The following LRRC7 variants were observed in gnomAD, a reference collection of about 807,000 sequenced individuals.
The protein encoded by LRRC7 is leucine rich repeat containing 7, also known as leucine-rich repeat-containing protein 7.
Under a neutral mutation model 175.7 loss-of-function variants are expected in LRRC7, and 23 were observed. The ratio of observed to expected loss-of-function variants is 0.13; its 90% CI spans 0.09 to 0.19. The LOEUF (loss-of-function observed/expected upper bound fraction) is 0.19. Ranked by LOEUF, LRRC7 falls within the 10% of genes least tolerant of loss-of-function variation. LRRC7 has a pLI of 1.00. For synonymous variants in LRRC7, 685 were observed against 680.9 expected, an observed-to-expected ratio of 1.01 and a Z score of -0.09; for missense variants, 1,354 against 1,904.7, an observed-to-expected ratio of 0.71 and a Z score of 5.38.
intron 7 of LRRC7, among the ~76,000 whole-genome samples, chr1:69,884,174 G>A (rs1570489155): frequency 1.3e-5 from 1 of 77,534 alleles, no homozygotes; most frequent in Non-Finnish European, 2.6e-5. Context: ...AGCTTGATGG[G>A]GATGGCATTG....
intron 1 of LRRC7, among the ~76,000 whole-genome samples, chr1:69,655,283 T>C (rs750979475): frequency 6.6e-6 from 1 of 152,114 alleles, no homozygotes. Flanking sequence ...TGTTTTATTT[T>C]TTCTGTAATT....
At chr1:69,892,767 C>G (rs549008721) in intron 7 of LRRC7, among the ~76,000 whole-genome samples, 1 of 152,150 alleles carries the variant, frequency 6.6e-6, no homozygotes, top group Non-Finnish European at 1.5e-5. Flanking sequence ...AATTGAGTCT[C>G]AGAGAAATTA....
intron 1 of LRRC7, among the ~76,000 whole-genome samples, chr1:69,592,408 A>G (rs1646673945): frequency 6.6e-6 from 1 of 152,214 alleles, no homozygotes; most frequent in Middle Eastern, 3.4e-3. Context: ...GTGAGTGCAT[A>G]TATTTTTTTT....
chr1:69,972,297 TTTG>T (rs1249352649), intron 8 of LRRC7, among the ~76,000 whole-genome samples: 2 of 152,134 alleles, frequency 1.3e-5, no homozygotes, highest in Non-Finnish European at 2.9e-5. Flanking sequence ...CTAAAGAGCT[TTTG>T]CATACAAAAG....
chr1:69,776,315 G>C (rs2101002221), intron 3 of LRRC7, among the ~76,000 whole-genome samples: 1 of 152,160 alleles, frequency 6.6e-6, no homozygotes, highest in Non-Finnish European at 1.5e-5. Flanking sequence ...GACGGTAATT[G>C]CTATGAGCTA....
intron 23 of LRRC7, among the ~76,000 whole-genome samples, chr1:70,068,401 CTGAT>C (rs1258222642): frequency 6.6e-6 from 1 of 152,124 alleles, no homozygotes; most frequent in Non-Finnish European, 1.5e-5. Flanking sequence ...GTGCATTACA[CTGAT>C]TGATTTTCAA....
At chr1:69,675,516 C>G (rs1659643050) in intron 1 of LRRC7, among the ~76,000 whole-genome samples, 1 of 152,146 alleles carries the variant, frequency 6.6e-6, no homozygotes, top group Admixed American at 6.5e-5. Flanking sequence ...TTAAAAATTA[C>G]ACTACAATTT....
intron 3 of LRRC7, among the ~76,000 whole-genome samples, chr1:69,766,340 A>G (rs1171444658): frequency 6.6e-6 from 1 of 152,150 alleles, no homozygotes; most frequent in African/African-American, 2.4e-5. Flanking sequence ...AGAGCAATTT[A>G]CTGTGTAACA....
intron 7 of LRRC7, among the ~76,000 whole-genome samples, chr1:69,886,462 T>C (rs1303210476): frequency 2.6e-5 from 4 of 152,122 alleles, no homozygotes; most frequent in East Asian, 1.9e-4. Flanking sequence ...TGGTTTTCCA[T>C]TTGTTTGGTA....
intron 2 of LRRC7, among the ~76,000 whole-genome samples, chr1:69,742,412 G>A (rs574658700): frequency 2.0e-5 from 3 of 151,798 alleles, no homozygotes; most frequent in Admixed American, 2.0e-4. Flanking sequence ...AATAATTTTA[G>A]TGGCAAACAT....
At chr1:69,993,081 A>T (rs1219976038) in intron 10 of LRRC7, among the ~76,000 whole-genome samples, 1 of 152,134 alleles carries the variant, frequency 6.6e-6, no homozygotes, top group Non-Finnish European at 1.5e-5. Flanking sequence ...CACAACTCAA[A>T]AACAAGCTCA....
intron 1 of LRRC7, among the ~76,000 whole-genome samples, chr1:69,597,161 ATTTACT>A (rs1228785007): frequency 6.6e-6 from 1 of 152,166 alleles, no homozygotes; most frequent in Non-Finnish European, 1.5e-5. Context: ...GTCTTATGAC[ATTTACT>A]TTTAGGTTTA....
chr1:70,080,774 G>A (rs892390440), intron 24 of LRRC7, among the ~76,000 whole-genome samples: 9 of 152,218 alleles, frequency 5.9e-5, no homozygotes, highest in African/African-American at 1.4e-4. Context: ...TGCATAAACC[G>A]TTTAGATTAC....
intron 3 of LRRC7, among the ~76,000 whole-genome samples, chr1:69,769,254 T>C (rs1177568534): frequency 6.6e-6 from 1 of 152,206 alleles, no homozygotes; most frequent in African/African-American, 2.4e-5. Flanking sequence ...TTGCAGTAGT[T>C]GCTCATCTAG....
At chr1:69,924,848 T>C (rs1475186550) in intron 7 of LRRC7, among the ~76,000 whole-genome samples, 2 of 151,884 alleles carry the variant, frequency 1.3e-5, no homozygotes, top group African/African-American at 4.8e-5. Flanking sequence ...TGAATAGGAG[T>C]GGTGAGAGAG....
intron 7 of LRRC7, among the ~76,000 whole-genome samples, chr1:69,894,999 G>A (rs1390678449): frequency 6.6e-6 from 1 of 152,246 alleles, no homozygotes; most frequent in African/African-American, 2.4e-5. Context: ...GGCCAAGGCA[G>A]GCGGATCACC....
chr1:69,918,585 A>G (rs1027101412), intron 7 of LRRC7, among the ~76,000 whole-genome samples: 5 of 152,208 alleles, frequency 3.3e-5, no homozygotes, highest in Non-Finnish European at 5.9e-5. Context: ...CTTGTGGGTA[A>G]GTGAAGACAG....
At chr1:69,974,232 T>C (rs116692561) in intron 8 of LRRC7, among the ~76,000 whole-genome samples, 249 of 152,326 alleles carry the variant, frequency 1.6e-3, no homozygotes, top group African/African-American at 5.7e-3. Context: ...TAACAACATA[T>C]TACTTTTTCA....
chr1:69,760,094 A>G, intron 2 of LRRC7, 97 bp from the exon 3 acceptor site: 1 of 1,259,300 alleles, frequency 7.9e-7, no homozygotes, highest in Non-Finnish European at 1.1e-6. Context: ...TAGACTGTAT[A>G]CCAAAATTAA....
Sources: allele counts gnomAD v4.1 joint callset (sites outside exome capture counted in the v4.1 genomes callset), GRCh38; gene constraint gnomAD v4.1.1; transcripts MANE v1.5; gene names NCBI Gene and HGNC (gene_info 2026-07-23, HGNC 2026-07-21).